Variants in EDIL3 observed in about 807,000 individuals in gnomAD.
The protein encoded by EDIL3 is EGF-like repeat and discoidin I-like domain-containing protein 3.
A neutral mutation model predicts 67.4 loss-of-function variants in EDIL3; 37 were observed. The ratio of observed to expected loss-of-function variants is 0.55; its 90% CI spans 0.42 to 0.72. EDIL3 has a LOEUF of 0.72. Among genes scored for constraint, EDIL3 ranks in the 30% least tolerant of loss-of-function variants. The pLI, the probability that EDIL3 is intolerant of heterozygous loss-of-function variation, is 0.00. For missense variants in EDIL3, 527 were observed against 586.3 expected, an observed-to-expected ratio of 0.90 and a Z score of 1.04; for synonymous variants, 195 against 196.3, an observed-to-expected ratio of 0.99 and a Z score of 0.05.
Position 84,207,926 on chromosome 5 carries a change from C to T in EDIL3, c.226+21929G>A, listed in dbSNP as rs1414958626. Among the ~76,000 whole-genome samples the T allele has an allele frequency of 2.0e-5, 3 of 152,100 alleles. No individual in the cohort carries two copies. In the East Asian group the frequency reaches 5.8e-4, roughly 29 times the overall value. On this transcript the variant is annotated intron_variant, in intron 3 of 10. Coordinates refer to ENST00000296591, the MANE Select transcript of EDIL3 (RefSeq NM_005711.5). ...ATGGATTAAACACTTAAACGTTAGA[C>T]CTAAAACCATAAAAACCCGAGAAGA...
intron 1 of EDIL3, among the ~76,000 whole-genome samples, chr5:84,278,325 T>C (rs1487140625): frequency 6.6e-6 from 1 of 152,234 alleles, no homozygotes; most frequent in African/African-American, 2.4e-5. Flanking sequence ...ATATAGCAGA[T>C]GAACTTGAAC....
At chr5:84,022,742 T>C (rs1345005529) in intron 9 of EDIL3, among the ~76,000 whole-genome samples, 1 of 151,864 alleles carries the variant, frequency 6.6e-6, no homozygotes, top group Non-Finnish European at 1.5e-5. Context: ...TAATAGATAC[T>C]AGAGGTTGGG....
intron 1 of EDIL3, among the ~76,000 whole-genome samples, chr5:84,341,809 T>C (rs1205447225): frequency 1.3e-5 from 2 of 152,198 alleles, no homozygotes; most frequent in South Asian, 2.1e-4. Flanking sequence ...AACCCAACTA[T>C]CTAAATATAA....
chr5:84,012,710 C>T (rs1018269272), intron 9 of EDIL3, among the ~76,000 whole-genome samples: 1 of 152,030 alleles, frequency 6.6e-6, no homozygotes, highest in African/African-American at 2.4e-5. Flanking sequence ...TGTAAACACA[C>T]GTTCTCAATT....
At chr5:84,134,402 T>C (rs750173335) in intron 5 of EDIL3, among the ~76,000 whole-genome samples, 2 of 152,132 alleles carry the variant, frequency 1.3e-5, no homozygotes, top group African/African-American at 4.8e-5. Flanking sequence ...ACATGCATGA[T>C]ACAAAGTCCA....
At chr5:84,371,365 GTATA>G (rs1747847282) in intron 1 of EDIL3, among the ~76,000 whole-genome samples, 1 of 133,818 alleles carries the variant, frequency 7.5e-6, no homozygotes, top group African/African-American at 2.6e-5. Flanking sequence ...ATATATGTGT[GTATA>G]TATGTATGTG....
At chr5:84,356,657 C>T (rs1220312210) in intron 1 of EDIL3, among the ~76,000 whole-genome samples, 2 of 152,092 alleles carry the variant, frequency 1.3e-5, no homozygotes, top group African/African-American at 2.4e-5. Context: ...CTACACAGTC[C>T]CTTTTATTCA....
chr5:84,170,284 G>T (rs527814230), intron 4 of EDIL3, among the ~76,000 whole-genome samples: 12 of 152,216 alleles, frequency 7.9e-5, no homozygotes, highest in African/African-American at 2.9e-4. Flanking sequence ...GCTGAGCAAC[G>T]GTGTTCACAA....
At chr5:84,311,324 C>CTTTT (rs58965080) in intron 1 of EDIL3, among the ~76,000 whole-genome samples, 1 of 105,546 alleles carries the variant, frequency 9.5e-6, no homozygotes, top group Non-Finnish European at 2.1e-5. Flanking sequence ...TTTTTTTTTT[C>CTTTT]TTTTTTTTTT....
intron 5 of EDIL3, among the ~76,000 whole-genome samples, chr5:84,120,771 A>G (rs2112298503): frequency 6.6e-6 from 1 of 152,136 alleles, no homozygotes; most frequent in Admixed American, 6.5e-5. Flanking sequence ...GTCTTTATAC[A>G]GGTCTCTTTT....
chr5:83,945,775 T>G (rs1277280927), intron 10 of EDIL3, among the ~76,000 whole-genome samples: 7 of 151,920 alleles, frequency 4.6e-5, no homozygotes, highest in Non-Finnish European at 7.4e-5. Context: ...TTAAAAAAAG[T>G]GAAGTTTCAC....
chr5:83,956,437 C>A (rs1458255183), intron 10 of EDIL3, among the ~76,000 whole-genome samples: 1 of 151,740 alleles, frequency 6.6e-6, no homozygotes, highest in Non-Finnish European at 1.5e-5. Context: ...CTATTATGTT[C>A]TCTGTGTACC....
intron 10 of EDIL3, among the ~76,000 whole-genome samples, chr5:83,948,594 A>C (rs374985213): frequency 6.6e-6 from 1 of 151,628 alleles, no homozygotes; most frequent in Non-Finnish European, 1.5e-5. Flanking sequence ...TCCAAAAATC[A>C]AATTTTTTTT....
At chr5:84,360,709 A>G (rs1409690494) in intron 1 of EDIL3, among the ~76,000 whole-genome samples, 2 of 152,148 alleles carry the variant, frequency 1.3e-5, no homozygotes. Context: ...CTTATCACAT[A>G]TTGGCATGGC....
intron 6 of EDIL3, among the ~76,000 whole-genome samples, chr5:84,081,199 G>A (rs999360621): frequency 2.0e-5 from 3 of 152,124 alleles, no homozygotes; most frequent in African/African-American, 7.2e-5. Context: ...TTTCTGAAGG[G>A]CTTCCACTAT....
At chr5:84,114,178 C>T (rs139026918) in intron 5 of EDIL3, among the ~76,000 whole-genome samples, 11 of 116,032 alleles carry the variant, frequency 9.5e-5, no homozygotes, top group Non-Finnish European at 1.7e-4. Context: ...TTTGATGAGT[C>T]GTGTCAGCTA....
chr5:84,383,500 G>A (rs1447872694), intron 1 of EDIL3, among the ~76,000 whole-genome samples: 2 of 151,464 alleles, frequency 1.3e-5, no homozygotes, highest in African/African-American at 2.4e-5. Context: ...TTATTTTTTC[G>A]TGCAATTCAC....
intron 9 of EDIL3, among the ~76,000 whole-genome samples, chr5:84,023,130 A>G (rs1320446490): frequency 1.3e-5 from 2 of 152,032 alleles, no homozygotes; most frequent in Non-Finnish European, 2.9e-5. Context: ...AACGTACAAC[A>G]CGAGTGATGA....
chr5:84,224,261 A>C (rs1158951253), intron 3 of EDIL3, among the ~76,000 whole-genome samples: 1 of 151,520 alleles, frequency 6.6e-6, no homozygotes, highest in Non-Finnish European at 1.5e-5. Context: ...TTCCTTGAGG[A>C]ATGAATGAAT....
Sources: allele counts gnomAD v4.1 joint callset (sites outside exome capture counted in the v4.1 genomes callset), GRCh38; gene constraint gnomAD v4.1.1; transcripts MANE v1.5; gene names NCBI Gene and HGNC (gene_info 2026-07-23, HGNC 2026-07-21).